The following DPP6 variants were observed in gnomAD, a reference collection of about 807,000 sequenced individuals.
DPP6 encodes A-type potassium channel modulatory protein DPP6.
DPP6 carries 69 observed loss-of-function variants against 122.6 expected under a neutral mutation model. That is an observed-to-expected ratio of 0.56 (90% CI 0.46 to 0.69). DPP6 has a LOEUF of 0.69. Ranked by LOEUF, DPP6 falls within the 30% of genes least tolerant of loss-of-function variation. The pLI, the probability that DPP6 is intolerant of heterozygous loss-of-function variation, is 0.00. For missense variants in DPP6, 928 were observed against 1,116.9 expected (o/e 0.83, Z 2.41); for synonymous variants, 418 against 433.1 (o/e 0.97, Z 0.43).
chr7:154,189,135 A>AT (rs1309747270), intron 1 of DPP6, among the ~76,000 whole-genome samples: 1 of 152,202 alleles, frequency 6.6e-6, no homozygotes, highest in African/African-American at 2.4e-5. Context: ...AGGGAAGGCT[A>AT]TTTTAAAATT....
chr7:154,153,830 C>A (rs894410890), intron 1 of DPP6, among the ~76,000 whole-genome samples: 25 of 152,158 alleles, frequency 1.6e-4, no homozygotes, highest in African/African-American at 6.0e-4. Flanking sequence ...ACAGCAGGCC[C>A]CGGGGCCATA....
chr7:154,451,573 G>T (rs1256428675), intron 2 of DPP6, among the ~76,000 whole-genome samples: 1 of 152,116 alleles, frequency 6.6e-6, no homozygotes, highest in African/African-American at 2.4e-5. Flanking sequence ...GACCCTGCCA[G>T]CATCTACATT....
intron 5 of DPP6, among the ~76,000 whole-genome samples, chr7:154,576,183 C>G (rs1196071224): frequency 6.6e-6 from 1 of 152,108 alleles, no homozygotes; most frequent in Non-Finnish European, 1.5e-5. Context: ...CCCGTGCCCC[C>G]ATCCCGCTGG....
chr7:154,831,092 C>G (rs1354915299), intron 16 of DPP6, among the ~76,000 whole-genome samples: 2 of 152,210 alleles, frequency 1.3e-5, no homozygotes, highest in Non-Finnish European at 2.9e-5. Flanking sequence ...AGAAGCCACC[C>G]TGCCCCAACG....
intron 1 of DPP6, among the ~76,000 whole-genome samples, chr7:154,325,264 T>C (rs1808348661): frequency 6.6e-6 from 1 of 152,260 alleles, no homozygotes; most frequent in African/African-American, 2.4e-5. Context: ...CCAGTGGGTC[T>C]CCTCACTCCA....
At chr7:153,990,102 C>G (rs1396504413) in intron 1 of DPP6, among the ~76,000 whole-genome samples, 1 of 106,532 alleles carries the variant, frequency 9.4e-6, no homozygotes, top group Non-Finnish European at 2.0e-5. Flanking sequence ...GCCCCACCCT[C>G]AGGCAGTCCC....
At chr7:154,056,799 G>C (rs1800859141) in intron 1 of DPP6, among the ~76,000 whole-genome samples, 1 of 152,042 alleles carries the variant, frequency 6.6e-6, no homozygotes, top group South Asian at 2.1e-4. Flanking sequence ...ATGTGTCCTT[G>C]GGATCTATCA....
chr7:154,621,658 C>T (rs938249060), intron 5 of DPP6, among the ~76,000 whole-genome samples: 1 of 152,206 alleles, frequency 6.6e-6, no homozygotes, highest in African/African-American at 2.4e-5. Context: ...TGAGCTACCG[C>T]ACCAGGCCTC....
At chr7:154,317,873 C>T (rs1039039890) in intron 1 of DPP6, among the ~76,000 whole-genome samples, 1 of 152,022 alleles carries the variant, frequency 6.6e-6, no homozygotes, top group African/African-American at 2.4e-5. Context: ...ATAAAAACAC[C>T]AAAGAAGATC....
At chr7:153,992,876 A>G (rs1040772202) in intron 1 of DPP6, among the ~76,000 whole-genome samples, 7 of 152,090 alleles carry the variant, frequency 4.6e-5, no homozygotes, top group Admixed American at 6.5e-5. Flanking sequence ...CTCATCCCTC[A>G]TATTTATCTC....
the DPP6 span, among the ~76,000 whole-genome samples, chr7:153,802,904 GC>G: frequency 1.3e-5 from 2 of 151,854 alleles, no homozygotes; most frequent in Non-Finnish European, 2.9e-5. Flanking sequence ...AAACACCCTC[GC>G]CCCAATCACT....
rs12534150 is a variant in DPP6, at chr7:154,880,582, C to T, written c.2079-306C>T. Among the ~76,000 whole-genome samples the T allele has an allele frequency of 0.37, 56,594 of 152,030 alleles. 11,115 individuals carry two copies. The highest frequency in any genetic ancestry group is 0.55 in the East Asian group (2,840 of 5,152). On this transcript the variant is annotated intron_variant, in intron 20 of 25. Coordinates refer to ENST00000377770, the MANE Select transcript of DPP6 (RefSeq NM_130797.4). ...ATAGCAGCAGATGGACCCCATGCAA[C>T]AGGGGCTGCGTCTCCCAGAAGGGGC...
At chr7:154,266,217 T>A (rs1002578792) in intron 1 of DPP6, among the ~76,000 whole-genome samples, 2 of 152,138 alleles carry the variant, frequency 1.3e-5, no homozygotes, top group Non-Finnish European at 1.5e-5. Flanking sequence ...AATAAATGAA[T>A]GAACATATAA....
At chr7:153,814,601 C>G in the DPP6 span, among the ~76,000 whole-genome samples, 1 of 152,186 alleles carries the variant, frequency 6.6e-6, no homozygotes, top group Non-Finnish European at 1.5e-5. Flanking sequence ...CTCCCTAATT[C>G]ATTTTATGAG....
chr7:154,097,738 C>T (rs1317437857), intron 1 of DPP6, among the ~76,000 whole-genome samples: 1 of 152,210 alleles, frequency 6.6e-6, no homozygotes, highest in East Asian at 1.9e-4. Flanking sequence ...CTAGTGCTGG[C>T]TGAGGCAGCT....
At position 154,540,555 on chromosome 7, in the gene DPP6, C is replaced by G. The variant is rs1828638670; in HGVS notation, c.481C>G (p.Gln161Glu). 5 of 1,608,292 alleles carry G rather than the reference C, an allele frequency of 3.1e-6. No individual in the cohort carries two copies. Among genetic ancestry groups the G allele is most frequent in the African/African-American group, 1.3e-5 (1 of 74,796 alleles). ...ISDTEFIYRE[Q>E]KGTVRLWNVE... ...AGATACAGAATTCATCTACAGAGAA[C>G]AGAAAGGAACAGTGAGACTGTGGAA... The change falls in exon 4 of 26, where the codon CAG becomes GAG. Residue 161 changes from glutamine to glutamate, a missense_variant. Transcript: ENST00000377770.
the DPP6 span, among the ~76,000 whole-genome samples, chr7:153,836,827 C>G: frequency 2.0e-5 from 3 of 152,142 alleles, no homozygotes; most frequent in Non-Finnish European, 4.4e-5. Flanking sequence ...AGGGCTCTGC[C>G]CCATGAACAA....
chr7:154,759,918 T>G (rs1345620604), intron 8 of DPP6, among the ~76,000 whole-genome samples: 2 of 152,136 alleles, frequency 1.3e-5, no homozygotes, highest in African/African-American at 4.8e-5. Flanking sequence ...GGTCAGGAGT[T>G]CAAGACCATC....
chr7:153,757,297 G>A, the DPP6 span, among the ~76,000 whole-genome samples: 2 of 152,150 alleles, frequency 1.3e-5, no homozygotes, highest in Non-Finnish European at 2.9e-5. Flanking sequence ...AGGCATTTAG[G>A]CATTATGAGA....
Sources: gnomAD v4.1 joint callset for allele counts (sites outside exome capture counted in the v4.1 genomes callset) on GRCh38, gnomAD v4.1.1 for gene constraint, MANE v1.5 for transcripts, NCBI Gene and HGNC (gene_info 2026-07-23, HGNC 2026-07-21) for gene names.